The following CHST5 variants were observed in gnomAD, a reference collection of about 807,000 sequenced individuals.
CHST5 encodes GST4-alpha.
For synonymous variants in CHST5, 313 were observed against 279.2 expected (o/e 1.12, Z -1.21); for missense variants, 637 against 602.1 (o/e 1.06, Z -0.61).
rs2080487945 is a variant in CHST5 at position 75,529,209 on chromosome 16, G to A, written c.1176C>T (p.Leu392=). The A allele has an allele frequency of 1.2e-6, 2 of 1,610,982 alleles. No individual in the cohort carries two copies. Among genetic ancestry groups the A allele is most frequent in the Non-Finnish European group, 1.7e-6 (2 of 1,178,600 alleles). The change falls in exon 4 of 4, where the codon CTC becomes CTT. Residue 392 remains leucine (L), a synonymous_variant. Coordinates refer to ENST00000336257, the MANE Select transcript of CHST5 (RefSeq NM_024533.5). The part of the protein sequence containing the change: ...PVYSADQQRD[L]TLDLVLPRGP... The stretch of plus-strand genomic sequence containing the variant: ...CTCGTGGCAGCACCAGATCCAGGGT[G>A]AGGTCACGCTGCTGGTCCGCAGAGT...
In CHST5 at chr16:75,529,722, G is replaced by A. The variant is rs141786850; in HGVS notation, c.663C>T (p.His221=). The A allele has an allele frequency of 1.2e-6, 2 of 1,612,564 alleles. No homozygotes were observed. Among genetic ancestry groups the A allele is most frequent in the African/African-American group, 1.3e-5 (1 of 74,912 alleles). ...GCACGGCCCGCGGGTCGCGCACCAG[G>A]TGCACGATGCGCAGGTTGAGCGCGG... ...SDPALNLRIV[H]LVRDPRAVLR... The change falls in exon 4 of 4, where the codon CAC becomes CAT. Residue 221 remains histidine (H), a synonymous_variant. Coordinates refer to ENST00000336257, the MANE Select transcript of CHST5 (RefSeq NM_024533.5).
chr16:75,531,290 G>A lies in CHST5; in HGVS notation c.-906C>T, dbSNP rs1308678072. 8.1e-6 allele frequency: 7 copies of A among 867,824 alleles called. No homozygotes were observed. Among genetic ancestry groups the A allele is most frequent in the Admixed American group, 1.1e-4 (2 of 17,446 alleles). The allele number at this position is 867,824 out of a possible 1,614,324, so 53.8% of individuals were successfully genotyped here. A position where few individuals can be genotyped will look rare whatever the true frequency, so the allele number is the denominator to read the frequency against. On this transcript the variant is annotated 5_prime_UTR_variant, in exon 4 of 4. Coordinates refer to ENST00000336257, the MANE Select transcript of CHST5 (RefSeq NM_024533.5). ...TGAGCTGAGATTGCGCCACTGCACT[G>A]CAGCCTGAGTGAAGAGTGAGACTCC...
At chr16:75,532,323 G>A (rs1288604728) in intron 3 of CHST5, among the ~76,000 whole-genome samples, 1 of 152,160 alleles carries the variant, frequency 6.6e-6, no homozygotes, top group Non-Finnish European at 1.5e-5. Flanking sequence ...GGAACACTGA[G>A]CCAGCCTCCC....
intron 1 of CHST5, among the ~76,000 whole-genome samples, 174 bp downstream of exon 1, chr16:75,535,870 C>A (rs1170225115): frequency 6.6e-6 from 1 of 152,174 alleles, no homozygotes; most frequent in African/African-American, 2.4e-5. Flanking sequence ...CCTTCCTCAC[C>A]CCCCCAATCG....
chr16:75,534,158 G>C (rs1368875470), intron 2 of CHST5, among the ~76,000 whole-genome samples: 1 of 151,850 alleles, frequency 6.6e-6, no homozygotes, highest in Admixed American at 6.6e-5. Context: ...AGACCAGCCT[G>C]GCCAACATGG....
chr16:75,530,802 C>G lies in CHST5; in HGVS notation c.-418G>C. 1 of 1,021,792 alleles carries G rather than the reference C, an allele frequency of 9.8e-7. No individual in the cohort carries two copies. 63.3% of individuals were successfully genotyped at this position (1,021,792 alleles called of 1,614,324 possible). A position where few individuals can be genotyped will look rare whatever the true frequency, so the allele number is the denominator to read the frequency against. On this transcript the variant is annotated 5_prime_UTR_variant, in exon 4 of 4. Coordinates refer to ENST00000336257, the MANE Select transcript of CHST5 (RefSeq NM_024533.5). ...GAATCCTGGCTCTGCCACTTCCTAGCCTATGATCTTGCTTATGAAGATCAC... is the reference window on the plus strand; with the variant it reads ...GAATCCTGGCTCTGCCACTTCCTAGGCTATGATCTTGCTTATGAAGATCAC...
rs1597025131 is a variant in CHST5, at chr16:75,528,942, A to G, written c.*207T>C. On this transcript the variant is annotated 3_prime_UTR_variant, in exon 4 of 4. Coordinates refer to ENST00000336257, the MANE Select transcript of CHST5 (RefSeq NM_024533.5). ...CTTTCCATGAAGAGTGCACCTGATG[A>G]GAAGGCAGCTCCAGAAGACTCAAAG... The G allele has an allele frequency of 1.8e-6, 1 of 550,730 alleles. No individual in the cohort carries two copies. The highest frequency in any genetic ancestry group is 3.0e-5 in the East Asian group (1 of 32,946). 34.1% of individuals were successfully genotyped at this position (550,730 alleles called of 1,614,324 possible).
rs1268577801 is a variant in CHST5, at chr16:75,531,350, A to C, written c.-966T>G. 32 of 1,052,842 alleles carry C rather than the reference A, an allele frequency of 3.0e-5. No homozygotes were observed. Among genetic ancestry groups the C allele is most frequent in the Middle Eastern group, 4.7e-4 (1 of 2,142 alleles). 65.2% of individuals were successfully genotyped at this position (1,052,842 alleles called of 1,614,324 possible). On this transcript the variant is annotated 5_prime_UTR_variant, in exon 4 of 4. Coordinates refer to ENST00000336257, the MANE Select transcript of CHST5 (RefSeq NM_024533.5). Reference sequence around the variant, plus strand: ...AAAAAAAAAAAAACAACAAAAAAAAAACTTTTGTCATTAAAGATAAACAAG... The same window carrying C: ...AAAAAAAAAAAAACAACAAAAAAAACACTTTTGTCATTAAAGATAAACAAG...
Position 75,531,109 on chromosome 16 carries a change from T to G in CHST5, c.-725A>C, listed in dbSNP as rs928561429. On this transcript the variant is annotated 5_prime_UTR_variant, in exon 4 of 4. An upstream open reading frame in the 5' UTR loses its in-frame stop. Transcript: ENST00000336257. Reference sequence around the variant, plus strand: ...AGGCCGAGGCGGGCGGATCACGAGGTCAGGAGATCGAGACCATCCTGGCTA... The same window carrying G: ...AGGCCGAGGCGGGCGGATCACGAGGGCAGGAGATCGAGACCATCCTGGCTA... The G allele has an allele frequency of 1.1e-6, 1 of 912,910 alleles. No individual in the cohort carries two copies. Among genetic ancestry groups the G allele is most frequent in the Non-Finnish European group, 1.3e-6 (1 of 751,868 alleles). 56.6% of individuals were successfully genotyped at this position (912,910 alleles called of 1,614,324 possible).
Position 75,534,641 on chromosome 16 carries a change from GAAAC to G in CHST5, c.-1352+482_-1352+485del, listed in dbSNP as rs370282506. On this transcript the variant is annotated intron_variant, in intron 2 of 3. Coordinates refer to ENST00000336257, the MANE Select transcript of CHST5 (RefSeq NM_024533.5). Reference sequence around the variant, plus strand: ...GGGTGACAGAGCGAGACTCCGTCTCGAAACAAACAAACAAACAAACAAACAAAAA... The same window carrying G: ...GGGTGACAGAGCGAGACTCCGTCTCGAAACAAACAAACAAACAAACAAAAA... Among the ~76,000 whole-genome samples, 808 of 152,118 alleles carry G rather than the reference GAAAC, an allele frequency of 5.3e-3. 14 individuals carry two copies. The highest frequency in any genetic ancestry group is 0.017 in the African/African-American group (722 of 41,498).
Position 75,529,265 on chromosome 16 carries a change from C to T in CHST5, c.1120G>A (p.Ala374Thr), listed in dbSNP as rs1212274563. Residue 374 changes from alanine to threonine, a missense_variant, in exon 4 of 4, where the codon GCG (alanine) becomes ACG (threonine). Coordinates refer to ENST00000336257, the MANE Select transcript of CHST5 (RefSeq NM_024533.5). ...GGCCGGTAGCCCAGCAGCTGCAGCG[C>T]GCCGGCGCACACCTCCTGCACGCGC... Reference protein sequence around the residue: ...ILRVQEVCAGALQLLGYRPVY... With the variant: ...ILRVQEVCAGTLQLLGYRPVY... 6.2e-7 allele frequency: 1 copy of T among 1,612,988 alleles called. No homozygotes were observed. Among genetic ancestry groups the T allele is most frequent in the Non-Finnish European group, 8.5e-7 (1 of 1,179,936 alleles).
intron 2 of CHST5, among the ~76,000 whole-genome samples, chr16:75,534,576 G>A (rs1416256962): frequency 6.6e-6 from 1 of 152,234 alleles, no homozygotes; most frequent in Non-Finnish European, 1.5e-5. Flanking sequence ...CCAGGAGACA[G>A]GTTGCAGTGA....
At chr16:75,535,005 T>A (rs894367540) in intron 2 of CHST5, 122 bp downstream of exon 2, 1 of 152,396 alleles carries the variant, frequency 6.6e-6, no homozygotes, top group Admixed American at 6.5e-5. Context: ...CACCCCCAGC[T>A]CTTCCCGCCA....
chr16:75,529,157 G>A lies in CHST5; in HGVS notation c.1228C>T (p.Pro410Ser), dbSNP rs1351445580. The change falls in exon 4 of 4, where the codon CCT becomes TCT. Residue 410 changes from proline to serine, a missense_variant. Transcript: ENST00000336257. ...RGPDHFSWAS[P>S]D is the part of the protein sequence containing the mutation. ...TCTAAGGCCCAGAGTTCTCAGTCAG[G>A]CGATGCCCAGCTGAAGTGGTCTGGG... 6 of 1,578,366 alleles carry A rather than the reference G, an allele frequency of 3.8e-6. No individual in the cohort carries two copies. Among genetic ancestry groups the A allele is most frequent in the Non-Finnish European group, 3.4e-6 (4 of 1,159,778 alleles).
intron 3 of CHST5, among the ~76,000 whole-genome samples, chr16:75,532,292 C>G (rs780497905): frequency 6.6e-6 from 1 of 152,174 alleles, no homozygotes; most frequent in Admixed American, 6.5e-5. Flanking sequence ...AAGAATGTCA[C>G]GCATTTCTCA....
intron 3 of CHST5, among the ~76,000 whole-genome samples, chr16:75,532,508 C>CT (rs1280579007): frequency 4.6e-5 from 7 of 152,294 alleles, no homozygotes; most frequent in Admixed American, 4.6e-4. Flanking sequence ...AAGCCAGGGT[C>CT]TAACTTGTGA....
chr16:75,533,543 G>A (rs1377046907), intron 2 of CHST5, among the ~76,000 whole-genome samples: 1 of 152,004 alleles, frequency 6.6e-6, no homozygotes, highest in African/African-American at 2.4e-5. Flanking sequence ...TTCTTTTCTG[G>A]GGGCACATAT....
chr16:75,534,665 C>A (rs2080548622), intron 2 of CHST5, among the ~76,000 whole-genome samples: 2 of 151,538 alleles, frequency 1.3e-5, no homozygotes, highest in South Asian at 2.1e-4. Flanking sequence ...AACAAACAAA[C>A]AAAAAAACAT....
chr16:75,531,831 G>A (rs1263888111), intron 3 of CHST5, among the ~76,000 whole-genome samples, 191 bp from the exon 4 acceptor site: 1 of 152,176 alleles, frequency 6.6e-6, no homozygotes, highest in Non-Finnish European at 1.5e-5. Context: ...CCACCACCAG[G>A]CTTGCTGAGG....
Sources: gnomAD v4.1 joint callset for allele counts (sites outside exome capture counted in the v4.1 genomes callset) on GRCh38, gnomAD v4.1.1 for gene constraint, MANE v1.5 for transcripts, NCBI Gene and HGNC (gene_info 2026-07-23, HGNC 2026-07-21) for gene names.